The following KAZN variants were observed in gnomAD, a reference collection of about 807,000 sequenced individuals.
KAZN encodes kazrin.
KAZN carries 40 observed loss-of-function variants against 87.4 expected under a neutral mutation model. The ratio of observed to expected loss-of-function variants is 0.46; its 90% CI spans 0.36 to 0.60. The LOEUF is 0.60. Among genes scored for constraint, KAZN ranks in the 20% least tolerant of loss-of-function variants. KAZN has a pLI of 0.00. For missense variants in KAZN, 898 were observed against 1,073.9 expected (o/e 0.84, Z 2.29); for synonymous variants, 466 against 458.3 (o/e 1.02, Z -0.22).
intron 2 of KAZN, among the ~76,000 whole-genome samples, chr1:15,002,080 C>A (rs1013787014): frequency 6.6e-6 from 1 of 152,062 alleles, no homozygotes; most frequent in Admixed American, 6.6e-5. Flanking sequence ...CGGGGTTTCA[C>A]CGTGTTAGCC....
intron 1 of KAZN, among the ~76,000 whole-genome samples, chr1:14,080,889 G>A (rs1016901007): frequency 2.0e-5 from 3 of 152,136 alleles, no homozygotes; most frequent in Non-Finnish European, 2.9e-5. Context: ...GCACTAAACA[G>A]CCCTGAAGAT....
intron 1 of KAZN, among the ~76,000 whole-genome samples, chr1:14,641,350 T>C (rs1451472456): frequency 1.3e-5 from 2 of 152,134 alleles, no homozygotes; most frequent in Non-Finnish European, 2.9e-5. Flanking sequence ...ATCCAGTTGG[T>C]CTAGATTTGG....
chr1:14,604,580 C>A (rs1027945750), intron 1 of KAZN, among the ~76,000 whole-genome samples: 23 of 152,336 alleles, frequency 1.5e-4, no homozygotes, highest in African/African-American at 5.1e-4. Flanking sequence ...CCTGCTACCC[C>A]CTTGGAGTCC....
At chr1:14,653,497 C>A (rs909351971) in intron 1 of KAZN, among the ~76,000 whole-genome samples, 1 of 152,180 alleles carries the variant, frequency 6.6e-6, no homozygotes, top group Non-Finnish European at 1.5e-5. Flanking sequence ...GCGGCCAGAC[C>A]GGTCTCAGTT....
At chr1:14,606,040 A>G (rs1302318650) in intron 1 of KAZN, among the ~76,000 whole-genome samples, 2 of 152,230 alleles carry the variant, frequency 1.3e-5, no homozygotes, top group Non-Finnish European at 2.9e-5. Context: ...GAGAAAACTA[A>G]GGCACAGAGA....
chr1:14,678,791 G>A (rs1478137230), intron 1 of KAZN, among the ~76,000 whole-genome samples: 1 of 152,184 alleles, frequency 6.6e-6, no homozygotes, highest in African/African-American at 2.4e-5. Context: ...CTCTCAGCAA[G>A]GGGATGGGGA....
At chr1:14,962,540 C>A (rs1278277929) in intron 2 of KAZN, among the ~76,000 whole-genome samples, 1 of 152,176 alleles carries the variant, frequency 6.6e-6, no homozygotes, top group African/African-American at 2.4e-5. Context: ...CCTGTAATAT[C>A]CATTCTCCTT....
At chr1:14,091,548 A>C (rs1193184172) in intron 1 of KAZN, among the ~76,000 whole-genome samples, 3 of 152,230 alleles carry the variant, frequency 2.0e-5, no homozygotes, top group Non-Finnish European at 4.4e-5. Flanking sequence ...TTATTTGCAT[A>C]GCTAAAGGTA....
At chr1:15,055,721 T>C (rs987550926) in intron 4 of KAZN, among the ~76,000 whole-genome samples, 1 of 152,170 alleles carries the variant, frequency 6.6e-6, no homozygotes, top group African/African-American at 2.4e-5. Flanking sequence ...AGAGGGACCA[T>C]GTTTATGTAA....
chr1:14,120,021 G>A (rs899178310), intron 1 of KAZN, among the ~76,000 whole-genome samples: 4 of 152,152 alleles, frequency 2.6e-5, no homozygotes, highest in Non-Finnish European at 5.9e-5. Context: ...AGACTAGGAA[G>A]TACAGGAGAC....
At chr1:13,943,490 T>C (rs1382058217) in intron 1 of KAZN, among the ~76,000 whole-genome samples, 1 of 152,028 alleles carries the variant, frequency 6.6e-6, no homozygotes, top group African/African-American at 2.4e-5. Context: ...GAATTTCATA[T>C]TTACAGAAAA....
intron 1 of KAZN, among the ~76,000 whole-genome samples, chr1:13,981,468 A>G (rs998421503): frequency 3.9e-5 from 6 of 152,148 alleles, no homozygotes; most frequent in East Asian, 1.9e-4. Flanking sequence ...CCCAGATTCA[A>G]TGAGGGGAAT....
At chr1:14,891,060 G>T (rs1205132120) in intron 1 of KAZN, among the ~76,000 whole-genome samples, 1 of 148,368 alleles carries the variant, frequency 6.7e-6, no homozygotes, top group Non-Finnish European at 1.5e-5. Context: ...TAGCCAGGAT[G>T]GTCTCGATCT....
At chr1:15,052,458 C>T (rs1674509583) in intron 4 of KAZN, among the ~76,000 whole-genome samples, 1 of 152,138 alleles carries the variant, frequency 6.6e-6, no homozygotes. Flanking sequence ...AGGTCCCTCC[C>T]ATGACACGTG....
chr1:14,275,367 G>T (rs1279617075), intron 2 of KAZN, among the ~76,000 whole-genome samples: 2 of 151,964 alleles, frequency 1.3e-5, no homozygotes, highest in African/African-American at 4.8e-5. Flanking sequence ...CTGAGGGAGA[G>T]ACCCAGGAAT....
chr1:13,950,767 G>A (rs1641315856), intron 1 of KAZN, among the ~76,000 whole-genome samples: 1 of 152,152 alleles, frequency 6.6e-6, no homozygotes, highest in Admixed American at 6.6e-5. Context: ...ACTTCTCTAT[G>A]TGCCTCCCAT....
At chr1:14,401,128 CAAAT>C (rs1256248879) in intron 2 of KAZN, among the ~76,000 whole-genome samples, 3 of 152,134 alleles carry the variant, frequency 2.0e-5, no homozygotes, top group Non-Finnish European at 4.4e-5. Context: ...GAAGAGGAAT[CAAAT>C]AAGGCTTCAA....
chr1:14,267,884 C>T (rs1428318641), intron 2 of KAZN, among the ~76,000 whole-genome samples: 1 of 152,140 alleles, frequency 6.6e-6, no homozygotes, highest in Non-Finnish European at 1.5e-5. Flanking sequence ...CACTTGAACC[C>T]AGGAGGCGGA....
intron 2 of KAZN, among the ~76,000 whole-genome samples, chr1:14,423,551 C>A (rs890580849): frequency 6.6e-6 from 1 of 152,262 alleles, no homozygotes; most frequent in Admixed American, 6.5e-5. Context: ...ACAGTACATG[C>A]AATAGCCGTG....
Sources: gnomAD v4.1 joint callset for allele counts (sites outside exome capture counted in the v4.1 genomes callset) on GRCh38, gnomAD v4.1.1 for gene constraint, MANE v1.5 for transcripts, NCBI Gene and HGNC (gene_info 2026-07-23, HGNC 2026-07-21) for gene names.